The following ZFHX3 variants were observed in gnomAD, a reference collection of about 807,000 sequenced individuals.
ZFHX3 encodes the protein zinc finger homeobox 3.
In ZFHX3, 42 loss-of-function variants were observed where a neutral mutation model predicts 279.1. That is an observed-to-expected ratio of 0.15 (90% CI 0.12 to 0.19). The LOEUF is 0.19. ZFHX3 is among the 10% of genes least tolerant of loss of function. The pLI is 1.00. For synonymous variants in ZFHX3, 2,293 were observed against 1,957.8 expected, an observed-to-expected ratio of 1.17 and a Z score of -4.52; for missense variants, 4,981 against 4,754.0, an observed-to-expected ratio of 1.05 and a Z score of -1.40.
intron 3 of ZFHX3, among the ~76,000 whole-genome samples, chr16:73,389,396 G>A (rs1167439027): frequency 1.3e-5 from 2 of 152,218 alleles, no homozygotes; most frequent in African/African-American, 4.8e-5. Context: ...GTCTAAAGCA[G>A]CATCTTATAT....
At chr16:72,863,340 TAAAAA>T (rs66692129) in intron 4 of ZFHX3, among the ~76,000 whole-genome samples, 3 of 64,622 alleles carry the variant, frequency 4.6e-5, no homozygotes, top group African/African-American at 2.2e-4. Flanking sequence ...TCATCTCTAC[TAAAAA>T]AAAAAAAAAA....
intron 8 of ZFHX3, among the ~76,000 whole-genome samples, chr16:73,073,142 T>C (rs1809042237): frequency 6.6e-6 from 1 of 151,970 alleles, no homozygotes; most frequent in East Asian, 1.9e-4. Context: ...GGCAATCTGC[T>C]TGCCTCGGCC....
intron 1 of ZFHX3, among the ~76,000 whole-genome samples, chr16:73,798,104 C>G (rs1000353749): frequency 1.3e-4 from 20 of 152,094 alleles, no homozygotes; most frequent in African/African-American, 3.9e-4. Context: ...CCACCGCACT[C>G]GGTCCTTCTG....
intron 5 of ZFHX3, among the ~76,000 whole-genome samples, chr16:73,168,643 G>T (rs566790831): frequency 7.2e-4 from 109 of 152,142 alleles, no homozygotes; most frequent in Non-Finnish European, 2.8e-4. Context: ...AACCCACATT[G>T]TCCCTCCCCG....
intron 1 of ZFHX3, among the ~76,000 whole-genome samples, chr16:73,773,884 AC>A (rs993791328): frequency 7.2e-5 from 11 of 152,108 alleles, no homozygotes; most frequent in African/African-American, 2.7e-4. Context: ...ATGCCTGTAA[AC>A]CCAGCAATTT....
intron 1 of ZFHX3, among the ~76,000 whole-genome samples, chr16:73,873,224 T>G (rs958181684): frequency 2.1e-4 from 8 of 38,394 alleles, no homozygotes; most frequent in Non-Finnish European, 1.4e-4. Context: ...GGGTGGTGGG[T>G]GGTGGTGGGT....
chr16:73,670,948 T>C (rs2052898653), intron 2 of ZFHX3, among the ~76,000 whole-genome samples: 1 of 152,224 alleles, frequency 6.6e-6, no homozygotes, highest in South Asian at 2.1e-4. Context: ...GTTACTAATA[T>C]GACTTAATGT....
Position 73,669,810 on chromosome 16 carries a change from T to C in ZFHX3, c.-1547+10370A>G, listed in dbSNP as rs534123036. On this transcript the variant is annotated intron_variant, in intron 2 of 17. Coordinates refer to the ZFHX3 transcript ENST00000641206. Reference sequence around the variant, plus strand: ...ACCGTGGCAGCATTATTGGGAAATGTCCTAGTCAAACCCCAAACAGCTTTG... The same window carrying C: ...ACCGTGGCAGCATTATTGGGAAATGCCCTAGTCAAACCCCAAACAGCTTTG... 5.3e-5 allele frequency among the ~76,000 whole-genome samples: 8 copies of C among 152,180 alleles called. No individual in the cohort carries two copies. The South Asian group carries it at 1.5e-3, about 28-fold the overall frequency.
At chr16:73,795,663 C>A (rs1327954483) in intron 1 of ZFHX3, among the ~76,000 whole-genome samples, 1 of 152,238 alleles carries the variant, frequency 6.6e-6, no homozygotes, top group Non-Finnish European at 1.5e-5. Flanking sequence ...ACTGTGGCCA[C>A]TGCTGCCCAG....
intron 5 of ZFHX3, among the ~76,000 whole-genome samples, chr16:73,209,255 C>T (rs895504878): frequency 7.2e-5 from 11 of 152,084 alleles, no homozygotes; most frequent in African/African-American, 2.7e-4. Flanking sequence ...TTGTATTTCC[C>T]AAATAAAAAT....
chr16:73,637,013 T>C (rs913442173), intron 2 of ZFHX3, among the ~76,000 whole-genome samples: 1 of 152,022 alleles, frequency 6.6e-6, no homozygotes, highest in African/African-American at 2.4e-5. Context: ...TTAAAATATA[T>C]ACAAGTACAA....
At chr16:73,361,251 C>G (rs763061227) in intron 3 of ZFHX3, among the ~76,000 whole-genome samples, 9 of 152,236 alleles carry the variant, frequency 5.9e-5, no homozygotes, top group African/African-American at 1.2e-4. Context: ...CTGACCTTGG[C>G]TGTGTGACTT....
At chr16:72,835,020 AG>A (rs1395150353) in intron 4 of ZFHX3, among the ~76,000 whole-genome samples, 2 of 152,204 alleles carry the variant, frequency 1.3e-5, no homozygotes, top group African/African-American at 4.8e-5. Context: ...TCAGTGTGAC[AG>A]AAATTTGGAA....
Position 72,794,070 on chromosome 16 carries a change from G to T in ZFHX3, c.8612C>A (p.Pro2871His), listed in dbSNP as rs761344241. The T allele has an allele frequency of 1.2e-6, 2 of 1,614,184 alleles. No individual in the cohort carries two copies. Among genetic ancestry groups the T allele is most frequent in the African/African-American group, 1.3e-5 (1 of 75,032 alleles). Residue 2871 changes from proline to histidine, a missense_variant, in exon 9 of 10, where the codon CCC (proline) becomes CAC (histidine). Pro to His is a moderately conservative substitution (Grantham distance 77, BLOSUM62 -2). Transcript: ENST00000268489. The surrounding 1 kb of genome is among the most constrained non-coding windows in gnomAD (Gnocchi z 4.2). ...GGCCGCTTTGGTCAACCCTTCGTTG[G>T]GTGCAGAAGAGGATTTGGTTTCAGT... is the stretch of plus-strand genomic sequence containing the variant. ...IATETKSSSA[P>H]NEGLTKAAMM... is the part of the protein sequence containing the mutation.
chr16:73,523,326 A>T (rs2019638426), intron 2 of ZFHX3, among the ~76,000 whole-genome samples: 1 of 152,180 alleles, frequency 6.6e-6, no homozygotes, highest in African/African-American at 2.4e-5. Context: ...CAGCCCTGAC[A>T]TAGTTACTAC....
chr16:72,880,493 G>A (rs894995131), intron 4 of ZFHX3, among the ~76,000 whole-genome samples: 20 of 152,126 alleles, frequency 1.3e-4, no homozygotes, highest in Non-Finnish European at 2.2e-4. Context: ...CCAAGGCCTC[G>A]GGAGAAGCCA....
chr16:73,672,957 T>A (rs151153654), intron 2 of ZFHX3, among the ~76,000 whole-genome samples: 1 of 152,092 alleles, frequency 6.6e-6, no homozygotes, highest in African/African-American at 2.4e-5. Flanking sequence ...TATACAGCAG[T>A]GGAAATGAAT....
At chr16:73,431,880 T>G (rs904887456) in intron 3 of ZFHX3, among the ~76,000 whole-genome samples, 2 of 152,134 alleles carry the variant, frequency 1.3e-5, no homozygotes, top group Non-Finnish European at 2.9e-5. Flanking sequence ...GGTGAGTCTC[T>G]GTGTCTGGAG....
chr16:73,529,369 T>C (rs926533324), intron 2 of ZFHX3, among the ~76,000 whole-genome samples: 7 of 152,150 alleles, frequency 4.6e-5, no homozygotes, highest in Non-Finnish European at 7.3e-5. Context: ...TAATAAAAAA[T>C]ATTGTGTCCG....
Sources: gnomAD v4.1 joint callset for allele counts (sites outside exome capture counted in the v4.1 genomes callset) on GRCh38, gnomAD v4.1.1 for gene constraint, Gnocchi (gnomAD v3.1) non-coding constraint, MANE v1.5 for transcripts, NCBI Gene and HGNC (gene_info 2026-07-23, HGNC 2026-07-21) for gene names.